Variants in EIF2B3 observed in about 807,000 individuals in gnomAD.
EIF2B3 encodes the protein eukaryotic translation initiation factor 2B subunit gamma.
A neutral mutation model predicts 54.1 loss-of-function variants in EIF2B3; 20 were observed. That is an observed-to-expected ratio of 0.37 (90% CI 0.26 to 0.54). The LOEUF is 0.54. Ranked by LOEUF, EIF2B3 falls within the 20% of genes least tolerant of loss-of-function variation. The pLI, the probability that EIF2B3 is intolerant of heterozygous loss-of-function variation, is 0.86. For missense variants in EIF2B3, 448 were observed against 547.8 expected (o/e 0.82, Z 1.82); for synonymous variants, 153 against 188.1 (o/e 0.81, Z 1.52).
intron 3 of EIF2B3, among the ~76,000 whole-genome samples, chr1:44,966,365 G>A (rs1359575021): frequency 6.6e-6 from 1 of 151,648 alleles, no homozygotes; most frequent in Non-Finnish European, 1.5e-5. Flanking sequence ...CGTGAACCTG[G>A]GGGGCGGAGC....
At chr1:44,955,627 G>A (rs1220203460) in intron 3 of EIF2B3, among the ~76,000 whole-genome samples, 3 of 151,800 alleles carry the variant, frequency 2.0e-5, no homozygotes, top group African/African-American at 4.8e-5. Context: ...TGACAAAAAG[G>A]CTAATATCCA....
intron 5 of EIF2B3, among the ~76,000 whole-genome samples, chr1:44,901,199 CCT>C: frequency 6.6e-6 from 1 of 151,686 alleles, no homozygotes; most frequent in Admixed American, 6.6e-5. Context: ...CACTGCAACC[CCT>C]GCCTCCCAGG....
chr1:44,863,310 C>T (rs112159857), intron 10 of EIF2B3: 2 of 152,184 alleles, frequency 1.3e-5, no homozygotes, highest in African/African-American at 4.8e-5. Flanking sequence ...GCCTCCTAAC[C>T]TAAGCCCTTC....
intron 10 of EIF2B3, among the ~76,000 whole-genome samples, chr1:44,871,907 C>T (rs973643481): frequency 1.4e-5 from 2 of 138,790 alleles, no homozygotes; most frequent in Admixed American, 7.8e-5. Context: ...GATAGGGTCT[C>T]ACTCTGTCAC....
chr1:44,974,123 G>A (rs1313237323), intron 3 of EIF2B3, among the ~76,000 whole-genome samples: 1 of 151,548 alleles, frequency 6.6e-6, no homozygotes, highest in East Asian at 1.9e-4. Flanking sequence ...AAAGTGAATG[G>A]AAATGCCTAT....
chr1:44,921,380 G>A (rs903450235), intron 5 of EIF2B3, among the ~76,000 whole-genome samples: 1 of 152,158 alleles, frequency 6.6e-6, no homozygotes, highest in African/African-American at 2.4e-5. Context: ...CTGTGCAAAA[G>A]CTTTTTAACT....
At chr1:44,872,949 G>T (rs1268424041) in intron 10 of EIF2B3, among the ~76,000 whole-genome samples, 1 of 152,172 alleles carries the variant, frequency 6.6e-6, no homozygotes, top group Non-Finnish European at 1.5e-5. Flanking sequence ...CTTGAGAGGG[G>T]TCTCTATTAG....
chr1:44,854,618 G>A lies in EIF2B3; in HGVS notation c.1306+3086C>T, dbSNP rs544453556. On this transcript the variant is annotated intron_variant, in intron 11 of 11. Coordinates refer to ENST00000360403, the MANE Select transcript of EIF2B3 (RefSeq NM_020365.5). ...TTTTTTTTTTTTGAGATGGAGTTTCGCTCTTGTTGCCCAAGATGGAGTGTG... is the reference window on the plus strand; with the variant it reads ...TTTTTTTTTTTTGAGATGGAGTTTCACTCTTGTTGCCCAAGATGGAGTGTG... Among the ~76,000 whole-genome samples the A allele has an allele frequency of 2.8e-5, 4 of 144,342 alleles. No individual in the cohort carries two copies. The East Asian group carries it at 8.2e-4, about 29-fold the overall frequency. The allele number at this position is 144,342 out of a possible 152,430, so 94.7% of individuals were successfully genotyped here.
chr1:44,880,208 G>A (rs1027065678), intron 7 of EIF2B3, among the ~76,000 whole-genome samples, 200 bp from the exon 8 acceptor site: 1 of 152,152 alleles, frequency 6.6e-6, no homozygotes, highest in East Asian at 1.9e-4. Flanking sequence ...GCACCACCAT[G>A]CTTGGCTCTA....
Position 44,897,360 on chromosome 1 carries a change from T to G in EIF2B3, c.651A>C (p.Glu217Asp). Residue 217 changes from glutamate (E) to aspartate (D), a missense_variant, in exon 6 of 12, where the codon GAA becomes GAC. Physicochemically the swap from Glu to Asp is conservative, Grantham distance 45 (BLOSUM62 2). Transcript: ENST00000360403. ...TCTACCACCCTTTTTCTTACCCATT[T>G]TCCATTAGGAAATCCACGATGTATT... ...LKKYIVDFLM[E>D]NGSITSIRSE... 1 of 1,612,862 alleles carries G rather than the reference T, an allele frequency of 6.2e-7. No homozygotes were observed. The highest frequency in any genetic ancestry group is 8.5e-7 in the Non-Finnish European group (1 of 1,179,128).
chr1:44,932,770 T>C (rs973954380), intron 4 of EIF2B3, among the ~76,000 whole-genome samples: 3 of 151,990 alleles, frequency 2.0e-5, no homozygotes, highest in Non-Finnish European at 2.9e-5. Context: ...CAAAAAACCT[T>C]CAAAATTTTG....
At chr1:44,964,166 T>C (rs1174211844) in intron 3 of EIF2B3, among the ~76,000 whole-genome samples, 1 of 150,254 alleles carries the variant, frequency 6.7e-6, no homozygotes, top group Non-Finnish European at 1.5e-5. Context: ...AATTTTTATA[T>C]CCAACTCGTT....
At chr1:44,959,284 T>TGA (rs1644260762) in intron 3 of EIF2B3, 2 of 673,888 alleles carry the variant, frequency 3.0e-6, no homozygotes, top group East Asian at 2.8e-5. Flanking sequence ...TGTGGGTTCT[T>TGA]CCACAGCACC....
chr1:44,876,613 A>C (rs1426701811), intron 8 of EIF2B3, among the ~76,000 whole-genome samples: 1 of 70,318 alleles, frequency 1.4e-5, no homozygotes, highest in Non-Finnish European at 2.6e-5. Context: ...CCCATCCGGG[A>C]GGTGAGGGGC....
intron 5 of EIF2B3, among the ~76,000 whole-genome samples, chr1:44,925,926 A>G (rs531286149): frequency 1.3e-5 from 2 of 150,670 alleles, no homozygotes; most frequent in Admixed American, 1.3e-4. Context: ...TCCCTCTCCA[A>G]AAAAAAAGGC....
rs574697949 is a variant in EIF2B3, at chr1:44,879,223, T to A, written c.975+595A>T. Among the ~76,000 whole-genome samples the A allele has an allele frequency of 4.5e-4, 69 of 152,268 alleles. No individual in the cohort carries two copies. The South Asian group carries it at 5.6e-3, about 12-fold the overall frequency. ...TCCCCCTCTCCACCCCCTGCCTTCA[T>A]TAAGGCCTGGCTTATCTTTGAGGAC... On this transcript the variant is annotated intron_variant, in intron 8 of 11. Transcript: ENST00000360403.
In EIF2B3 at chr1:44,854,252, C is replaced by T. The variant is rs61789951; in HGVS notation, c.1307-3249G>A. ...TCTTGACCTCAAGTGATCCACTCGCCTTGGTCTCCCAAAGTGCTGGGATTA... is the reference window on the plus strand; with the variant it reads ...TCTTGACCTCAAGTGATCCACTCGCTTTGGTCTCCCAAAGTGCTGGGATTA... On this transcript the variant is annotated intron_variant, in intron 11 of 11. Coordinates refer to ENST00000360403, the MANE Select transcript of EIF2B3 (RefSeq NM_020365.5). Among the ~76,000 whole-genome samples, 30 of 152,198 alleles carry T rather than the reference C, an allele frequency of 2.0e-4. 1 individual carries two copies. The highest frequency in any genetic ancestry group is 7.2e-4 in the African/African-American group (30 of 41,558).
intron 4 of EIF2B3, among the ~76,000 whole-genome samples, chr1:44,938,730 G>C (rs958050475): frequency 2.0e-5 from 3 of 152,056 alleles, no homozygotes; most frequent in African/African-American, 7.2e-5. Context: ...CAAGCCATCT[G>C]TTTGCCTCAG....
At chr1:44,922,440 A>T (rs1167894392) in intron 5 of EIF2B3, among the ~76,000 whole-genome samples, 1 of 151,402 alleles carries the variant, frequency 6.6e-6, no homozygotes, top group Non-Finnish European at 1.5e-5. Flanking sequence ...TACAAAAATT[A>T]GCTGGGCATG....
Sources: gnomAD v4.1 joint callset for allele counts (sites outside exome capture counted in the v4.1 genomes callset) on GRCh38, gnomAD v4.1.1 for gene constraint, MANE v1.5 for transcripts, NCBI Gene and HGNC (gene_info 2026-07-23, HGNC 2026-07-21) for gene names.